Variants in TMEM134 observed in about 807,000 individuals in gnomAD.
TMEM134 encodes the protein transmembrane protein 134.
Under a neutral mutation model 26.2 loss-of-function variants are expected in TMEM134, and 36 were observed. The observed-to-expected ratio is 1.37, with a 90% CI of 1.05 to 1.81. The LOEUF is 1.81. Among genes scored for constraint, TMEM134 ranks in the 40% most tolerant of loss-of-function variants. The pLI is 0.00. For synonymous variants in TMEM134, 133 were observed against 113.6 expected (o/e 1.17, Z -1.08); for missense variants, 339 against 263.5 (o/e 1.29, Z -1.98).
rs755602441 is a variant in TMEM134, at chr11:67,469,143, G to C, written c.50C>G (p.Ser17Cys). The C allele has an allele frequency of 2.7e-6, 4 of 1,483,432 alleles. No homozygotes were observed. Among genetic ancestry groups the C allele is most frequent in the Admixed American group, 4.5e-5 (2 of 44,236 alleles). 91.9% of individuals were successfully genotyped at this position (1,483,432 alleles called of 1,614,324 possible). A position where few individuals can be genotyped will look rare whatever the true frequency, so the allele number is the denominator to read the frequency against. ...GGGCCCAGGGCCCCCGTCCTCCAGG[G>C]ACAGCTCGAAGGCATCATCAATGCT... ...QFSIDDAFEL[S>C]LEDGGPGPES... is the part of the protein sequence containing the mutation. Residue 17 changes from serine (S) to cysteine (C), a missense_variant, in exon 1 of 7, where the codon TCC (serine) becomes TGC (cysteine). By Grantham distance (112) the Ser-to-Cys change is moderately radical. Transcript: ENST00000308022.
intron 1 of TMEM134, 121 bp downstream of exon 1, chr11:67,468,898 G>A (rs2134236792): frequency 5.0e-6 from 5 of 1,000,660 alleles, no homozygotes; most frequent in East Asian, 3.3e-5. Context: ...GGGGCGGGGG[G>A]GCGGTCTCGC....
At chr11:67,464,993 C>T in intron 5 of TMEM134, 63 bp downstream of exon 5, 2 of 1,474,404 alleles carry the variant, frequency 1.4e-6, no homozygotes, top group South Asian at 1.2e-5. Context: ...GGAGGGCTTG[C>T]CGTGGACCCG....
rs1263908954 is a variant in TMEM134 at position 67,464,497 on chromosome 11, C to T, written c.*117G>A. The T allele has an allele frequency of 9.0e-6, 10 of 1,108,328 alleles. No homozygotes were observed. The East Asian group carries it at 2.1e-4, about 23-fold the overall frequency. 68.7% of individuals were successfully genotyped at this position (1,108,328 alleles called of 1,614,324 possible). Reference sequence around the variant, plus strand: ...GCATGCCCCGAACTTCCTGAGCAAACTCCCTAGGGGCTGGGGTTTCGAGGG... The same window carrying T: ...GCATGCCCCGAACTTCCTGAGCAAATTCCCTAGGGGCTGGGGTTTCGAGGG... On this transcript the variant is annotated 3_prime_UTR_variant, in exon 7 of 7. Transcript: ENST00000308022.
In TMEM134 at chr11:67,464,756, T is replaced by A. The variant is rs749756078; in HGVS notation, c.505+47A>T. ...CCCCTCCCCGCAACACCGCCCCCAGTGCCGCCCCACAGCCCCCGCCCCTTC... is the reference window on the plus strand; with the variant it reads ...CCCCTCCCCGCAACACCGCCCCCAGAGCCGCCCCACAGCCCCCGCCCCTTC... On this transcript the variant is annotated intron_variant, in intron 6 of 6. Coordinates refer to ENST00000308022, the MANE Select transcript of TMEM134 (RefSeq NM_025124.4). 14 of 1,539,122 alleles carry A rather than the reference T, an allele frequency of 9.1e-6. No homozygotes were observed. The South Asian group carries it at 1.7e-4, about 18-fold the overall frequency.
In TMEM134 at chr11:67,462,694, TTA is replaced by T. The variant is rs959909563; in HGVS notation, c.*1918_*1919del. ...TTCATTTTTCTAGTTTTTAAAATTT[TTA>T]TGTTATTTATTTATTTATTTTTTAA... is the stretch of plus-strand genomic sequence containing the variant. On this transcript the variant is annotated 3_prime_UTR_variant, in exon 7 of 7. Transcript: ENST00000308022. 14 of 151,302 alleles carry T rather than the reference TTA, an allele frequency of 9.3e-5. No individual in the cohort carries two copies. The highest frequency in any genetic ancestry group is 3.4e-4 in the African/African-American group (14 of 40,962). The allele number at this position is 151,302 out of a possible 1,614,324, so 9.4% of individuals were successfully genotyped here. A position where few individuals can be genotyped will look rare whatever the true frequency, so the allele number is the denominator to read the frequency against.
At chr11:67,465,323 T>A (rs1865185273) in intron 4 of TMEM134, 1 of 1,305,670 alleles carries the variant, frequency 7.7e-7, no homozygotes, top group Admixed American at 3.1e-5. Flanking sequence ...GGGCTTTTAG[T>A]CATTCAGCAA....
intron 1 of TMEM134, 111 bp from the exon 2 acceptor site, chr11:67,468,203 C>A: frequency 1.0e-6 from 1 of 975,680 alleles, no homozygotes; most frequent in Non-Finnish European, 1.6e-6. Flanking sequence ...CGCCTGGCAG[C>A]TGTTCACCTG....
intron 6 of TMEM134, 21 bp from the exon 7 acceptor site, chr11:67,464,717 G>A: frequency 2.6e-6 from 4 of 1,551,008 alleles, no homozygotes; most frequent in Middle Eastern, 1.7e-4. Context: ...GGGCCTGTCA[G>A]CGCAGAAGCC....
At position 67,464,014 on chromosome 11, in the gene TMEM134, C is replaced by T. The variant is rs1277336735; in HGVS notation, c.*600G>A. The T allele has an allele frequency of 6.3e-6, 1 of 157,874 alleles. No individual in the cohort carries two copies. Among genetic ancestry groups the T allele is most frequent in the African/African-American group, 2.4e-5 (1 of 41,478 alleles). The allele number at this position is 157,874 out of a possible 1,614,324, so 9.8% of individuals were successfully genotyped here. ...CTGTGGCAGCCCAGGGCCCCAGAGC[C>T]AGGCTGGAACTAGGATACCAGCCTC... On this transcript the variant is annotated 3_prime_UTR_variant, in exon 7 of 7. Coordinates refer to ENST00000308022, the MANE Select transcript of TMEM134 (RefSeq NM_025124.4).
At chr11:67,467,800 TG>T in intron 2 of TMEM134, 2 of 654,790 alleles carry the variant, frequency 3.1e-6, no homozygotes, top group Non-Finnish European at 2.6e-6. Context: ...TGTATGAAGG[TG>T]GGGGCCAGAC....
chr11:67,466,014 G>A (rs905353044), intron 4 of TMEM134: 1 of 152,222 alleles, frequency 6.6e-6, no homozygotes, highest in Non-Finnish European at 1.5e-5. Flanking sequence ...AAGAGTTTGA[G>A]GCTGCAGTGA....
chr11:67,469,195 C>G lies in TMEM134; in HGVS notation c.-3G>C. 1.5e-6 allele frequency: 2 copies of G among 1,297,210 alleles called. No homozygotes were observed. Among genetic ancestry groups the G allele is most frequent in the South Asian group, 4.5e-5 (2 of 44,898 alleles). 80.4% of individuals were successfully genotyped at this position (1,297,210 alleles called of 1,614,324 possible). On this transcript the variant is annotated 5_prime_UTR_variant, in exon 1 of 7. Coordinates refer to ENST00000308022, the MANE Select transcript of TMEM134 (RefSeq NM_025124.4). ...AACTGGGGCCGGGCGGCGCTCATGG[C>G]CCCGGCCCGCTCAGGCGCCGTGCGC...
intron 1 of TMEM134, 192 bp from the exon 2 acceptor site, chr11:67,468,284 G>A: frequency 1.7e-6 from 1 of 604,970 alleles, no homozygotes. Flanking sequence ...TGGATGCCAG[G>A]GCTTTGGGGA....
intron 2 of TMEM134, 117 bp from the exon 3 acceptor site, chr11:67,467,707 T>C (rs532523650): frequency 1.6e-5 from 17 of 1,039,398 alleles, no homozygotes; most frequent in Non-Finnish European, 2.3e-5. Context: ...CCTTGCAGGA[T>C]AGTGGGCCCT....
In TMEM134 at chr11:67,465,116, G is replaced by T; in HGVS notation, c.407-16C>A. On this transcript the variant is annotated splice_polypyrimidine_tract_variant and intron_variant, in intron 4 of 6. Transcript: ENST00000308022. The stretch of plus-strand genomic sequence containing the variant: ...AGGATCAGCACTGCACACAGACGGA[G>T]CCGCGGGGGTGGGGGCAGGAGCAGT... 6.4e-7 allele frequency: 1 copy of T among 1,570,352 alleles called. No individual in the cohort carries two copies. Among genetic ancestry groups the T allele is most frequent in the Non-Finnish European group, 8.6e-7 (1 of 1,163,588 alleles).
chr11:67,465,167 A>G (rs1025565503), intron 4 of TMEM134, 67 bp from the exon 5 acceptor site: 2 of 1,534,104 alleles, frequency 1.3e-6, no homozygotes, highest in Non-Finnish European at 1.7e-6. Flanking sequence ...TCCCACCCCC[A>G]GCCCGGCTCA....
rs757530886 is a variant in TMEM134 at position 67,468,054 on chromosome 11, C to A, written c.213G>T (p.Pro71=). The change falls in exon 2 of 7, where the codon CCG becomes CCT. Residue 71 remains proline, a synonymous_variant. Coordinates refer to ENST00000308022, the MANE Select transcript of TMEM134 (RefSeq NM_025124.4). ...ENDEDGAQAS[P]EPDGGVGTRD... ...TGGTGCCGACTCCCCCATCCGGCTCCGGAGAGGCCTGGGCTCCATCCTCAT... is the reference window on the plus strand; with the variant it reads ...TGGTGCCGACTCCCCCATCCGGCTCAGGAGAGGCCTGGGCTCCATCCTCAT... The A allele has an allele frequency of 3.2e-6, 5 of 1,563,216 alleles. No homozygotes were observed. In the East Asian group the frequency reaches 1.2e-4, roughly 37 times the overall value.
At chr11:67,467,921 G>T in intron 2 of TMEM134, 107 bp downstream of exon 2, 1 of 1,072,818 alleles carries the variant, frequency 9.3e-7, no homozygotes, top group Non-Finnish European at 1.4e-6. Flanking sequence ...GGAATCAATA[G>T]GACGGGATGG....
chr11:67,465,360 C>T, intron 4 of TMEM134: 1 of 975,152 alleles, frequency 1.0e-6, no homozygotes, highest in Non-Finnish European at 1.4e-6. Context: ...TACTGCGTGC[C>T]TGGTACTGGG....
Sources: allele counts gnomAD v4.1 joint callset, GRCh38; gene constraint gnomAD v4.1.1; transcripts MANE v1.5; gene names NCBI Gene and HGNC (gene_info 2026-07-23, HGNC 2026-07-21).